CYB5D2: variants seen among roughly 807,000 people sequenced by gnomAD.
The protein encoded by CYB5D2 is cytochrome b5 domain containing 2.
CYB5D2 carries 23 observed loss-of-function variants against 22.8 expected under a neutral mutation model. That is an observed-to-expected ratio of 1.01 (90% CI 0.73 to 1.43). CYB5D2 has a LOEUF of 1.43. CYB5D2 is among the 40% of genes most tolerant of loss of function. The probability of loss-of-function intolerance (pLI) is 0.00; values close to 1 mark genes in which losing one functional copy is unlikely to be tolerated. For synonymous variants in CYB5D2, 170 were observed against 152.2 expected (o/e 1.12, Z -0.86); for missense variants, 373 against 357.2 (o/e 1.04, Z -0.36).
intron 1 of CYB5D2, among the ~76,000 whole-genome samples, chr17:4,147,418 G>A (rs2059004246): frequency 6.6e-6 from 1 of 152,234 alleles, no homozygotes; most frequent in Non-Finnish European, 1.5e-5. Flanking sequence ...AGAAAAGACA[G>A]ACATTAAATA....
At chr17:4,145,226 T>C (rs1167917297) in intron 1 of CYB5D2, among the ~76,000 whole-genome samples, 1 of 152,220 alleles carries the variant, frequency 6.6e-6, no homozygotes, top group Non-Finnish European at 1.5e-5. Context: ...CTTGTCATTA[T>C]CTTAGGGGAA....
chr17:4,143,573 C>T lies in CYB5D2; in HGVS notation c.-183C>T. Reference sequence around the variant, plus strand: ...CCTGGAAAAAGTCGCAGACAGCGAGCTTTTCGCCAGTGCCAGGAATACAGA... The same window carrying T: ...CCTGGAAAAAGTCGCAGACAGCGAGTTTTTCGCCAGTGCCAGGAATACAGA... On this transcript the variant is annotated 5_prime_UTR_variant, in exon 1 of 4. Coordinates refer to ENST00000301391, the MANE Select transcript of CYB5D2 (RefSeq NM_144611.4). The T allele has an allele frequency of 1.3e-6, 1 of 775,468 alleles. No homozygotes were observed. The highest frequency in any genetic ancestry group is 1.9e-6 in the Non-Finnish European group (1 of 518,324). The allele number at this position is 775,468 out of a possible 1,614,324, so 48.0% of individuals were successfully genotyped here. A position where few individuals can be genotyped will look rare whatever the true frequency, so the allele number is the denominator to read the frequency against.
chr17:4,147,145 C>T (rs1036729044), intron 1 of CYB5D2, among the ~76,000 whole-genome samples: 3 of 152,100 alleles, frequency 2.0e-5, no homozygotes, highest in Non-Finnish European at 2.9e-5. Flanking sequence ...GTGGTCCATG[C>T]CCGTAGTCTC....
At position 4,154,810 on chromosome 17, in the gene CYB5D2, C is replaced by A; in HGVS notation, c.528C>A (p.Asn176Lys). The change falls in exon 3 of 4, where the codon AAC (asparagine) becomes AAA (lysine). Residue 176 changes from asparagine (N) to lysine (K), a missense_variant. Asn to Lys is a moderately conservative substitution (Grantham distance 94, BLOSUM62 0). Coordinates refer to ENST00000301391, the MANE Select transcript of CYB5D2 (RefSeq NM_144611.4). The stretch of plus-strand genomic sequence containing the variant: ...AGAAGCAGACATTCCCGCCGTGCAA[C>A]GCGGAGTGGAGCTCAGCCAGGGGCA... ...LQEKQTFPPCNAEWSSARGSR... is the reference protein window; with the variant it reads ...LQEKQTFPPCKAEWSSARGSR... 1 of 1,614,182 alleles carries A rather than the reference C, an allele frequency of 6.2e-7. No individual in the cohort carries two copies. Among genetic ancestry groups the A allele is most frequent in the Non-Finnish European group, 8.5e-7 (1 of 1,180,030 alleles).
chr17:4,153,331 AAG>A (rs1333014301), intron 2 of CYB5D2, among the ~76,000 whole-genome samples: 9 of 139,982 alleles, frequency 6.4e-5, no homozygotes, highest in African/African-American at 2.9e-4. Context: ...GAGCGGTGCG[AAG>A]GTGGGGAGTG....
At chr17:4,150,271 C>T (rs918380446) in intron 2 of CYB5D2, among the ~76,000 whole-genome samples, 3 of 152,186 alleles carry the variant, frequency 2.0e-5, no homozygotes, top group South Asian at 2.1e-4. Context: ...GCCTCAGTTT[C>T]GCCATAGCCA....
At chr17:4,153,295 T>G (rs2059077629) in intron 2 of CYB5D2, among the ~76,000 whole-genome samples, 1 of 145,332 alleles carries the variant, frequency 6.9e-6, no homozygotes. Context: ...CACCGAGACC[T>G]GAGGAGAGTG....
At position 4,143,956 on chromosome 17, in the gene CYB5D2, C is replaced by G; in HGVS notation, c.201C>G (p.Ser67=). Residue 67 remains serine (S), a synonymous_variant, in exon 1 of 4, where the codon TCC becomes TCG. Coordinates refer to ENST00000301391, the MANE Select transcript of CYB5D2 (RefSeq NM_144611.4). ...LALLGRVYDV[S]SGRRHYEPGS... is the part of the protein sequence containing the mutation. ...TGCTCGGCCGTGTCTACGATGTGTC[C>G]TCCGGCCGGAGGCACTACGAGCCTG... 1 of 1,612,870 alleles carries G rather than the reference C, an allele frequency of 6.2e-7. No individual in the cohort carries two copies. Among genetic ancestry groups the G allele is most frequent in the Non-Finnish European group, 8.5e-7 (1 of 1,179,864 alleles).
At chr17:4,150,832 C>A (rs536173791) in intron 2 of CYB5D2, 1 of 152,406 alleles carries the variant, frequency 6.6e-6, no homozygotes, top group Admixed American at 6.5e-5. Flanking sequence ...GTTGCAGTGA[C>A]CTGAGATTGC....
chr17:4,145,403 TAGA>T (rs1459085669), intron 1 of CYB5D2, among the ~76,000 whole-genome samples: 1 of 152,176 alleles, frequency 6.6e-6, no homozygotes, highest in Non-Finnish European at 1.5e-5. Context: ...CACAGTGAGT[TAGA>T]AGCAGAGCTG....
chr17:4,150,627 G>A (rs186177713), intron 2 of CYB5D2, among the ~76,000 whole-genome samples: 1 of 152,328 alleles, frequency 6.6e-6, no homozygotes, highest in East Asian at 1.9e-4. Flanking sequence ...GCTCACGACT[G>A]TAATACCAGC....
At chr17:4,155,357 C>G (rs1325472627) in intron 3 of CYB5D2, among the ~76,000 whole-genome samples, 1 of 152,128 alleles carries the variant, frequency 6.6e-6, no homozygotes, top group African/African-American at 2.4e-5. Flanking sequence ...GTGGGCCACA[C>G]CTGTGGTCCT....
intron 2 of CYB5D2, 71 bp downstream of exon 2, chr17:4,150,102 G>T: frequency 6.4e-7 from 1 of 1,564,074 alleles, no homozygotes. Context: ...GATTTTTTAG[G>T]GATTGGGTTC....
Position 4,157,244 on chromosome 17 carries a change from T to C in CYB5D2, c.*162T>C, listed in dbSNP as rs2059122472. The C allele has an allele frequency of 2.4e-6, 2 of 832,402 alleles. No homozygotes were observed. The highest frequency in any genetic ancestry group is 2.5e-5 in the Admixed American group (1 of 39,644). 51.6% of individuals were successfully genotyped at this position (832,402 alleles called of 1,614,324 possible). A position where few individuals can be genotyped will look rare whatever the true frequency, so the allele number is the denominator to read the frequency against. Reference sequence around the variant, plus strand: ...TGTGGCTCATGCCCCTTACCGTGGCTCGGCGTTGTGGTGCCTGAGGGACAG... The same window carrying C: ...TGTGGCTCATGCCCCTTACCGTGGCCCGGCGTTGTGGTGCCTGAGGGACAG... On this transcript the variant is annotated 3_prime_UTR_variant, in exon 4 of 4. Coordinates refer to ENST00000301391, the MANE Select transcript of CYB5D2 (RefSeq NM_144611.4). The surrounding 1 kb of genome is among the most constrained non-coding windows in gnomAD (Gnocchi z 4.4).
chr17:4,144,662 A>C (rs1338882561), intron 1 of CYB5D2, among the ~76,000 whole-genome samples: 1 of 152,214 alleles, frequency 6.6e-6, no homozygotes, highest in East Asian at 1.9e-4. Context: ...GTTAGGCCTC[A>C]AGAAACATTT....
chr17:4,156,503 G>A (rs1208873817), intron 3 of CYB5D2, among the ~76,000 whole-genome samples: 1 of 152,274 alleles, frequency 6.6e-6, no homozygotes, highest in East Asian at 1.9e-4. Context: ...GTCGCACCCA[G>A]ACACTGCTTC....
chr17:4,150,898 A>G (rs2059049899), intron 2 of CYB5D2: 1 of 152,262 alleles, frequency 6.6e-6, no homozygotes, highest in South Asian at 2.1e-4. Context: ...CTTCACAAGT[A>G]CTGACAACTG....
In CYB5D2 at chr17:4,157,045, G is replaced by T. The variant is rs2059120159; in HGVS notation, c.758G>T (p.Cys253Phe). ...CCAAACTTGGCAGAGTACACAGGCT[G>T]CCCACCGCTAGCCATCACATGCTCC... ...DHPNLAEYTG[C>F]PPLAITCSFP... Residue 253 changes from cysteine (C) to phenylalanine (F), a missense_variant, in exon 4 of 4, where the codon TGC (cysteine) becomes TTC (phenylalanine). Transcript: ENST00000301391. The surrounding 1 kb of genome is among the most constrained non-coding windows in gnomAD (Gnocchi z 4.4). The T allele has an allele frequency of 6.2e-7, 1 of 1,612,436 alleles. No homozygotes were observed. The highest frequency in any genetic ancestry group is 1.7e-5 in the Admixed American group (1 of 60,002).
At chr17:4,145,291 G>T (rs2058975841) in intron 1 of CYB5D2, among the ~76,000 whole-genome samples, 1 of 152,204 alleles carries the variant, frequency 6.6e-6, no homozygotes, top group South Asian at 2.1e-4. Context: ...TGTCTAGGAA[G>T]TACTAAAGAA....
Sources: gnomAD v4.1 joint callset for allele counts (sites outside exome capture counted in the v4.1 genomes callset) on GRCh38, gnomAD v4.1.1 for gene constraint, Gnocchi (gnomAD v3.1) non-coding constraint, MANE v1.5 for transcripts, NCBI Gene and HGNC (gene_info 2026-07-23, HGNC 2026-07-21) for gene names.